FLVCR2: variants seen among roughly 807,000 people sequenced by gnomAD.
FLVCR2 encodes the protein choline/ethanolamine transporter FLVCR2.
A neutral mutation model predicts 48.9 loss-of-function variants in FLVCR2; 38 were observed. The ratio of observed to expected loss-of-function variants is 0.78; its 90% CI spans 0.60 to 1.02. FLVCR2 has a LOEUF of 1.02. Ranked by LOEUF, FLVCR2 falls within the 50% of genes least tolerant of loss-of-function variation. The pLI, the probability that FLVCR2 is intolerant of heterozygous loss-of-function variation, is 0.00. For synonymous variants in FLVCR2, 255 were observed against 257.0 expected, an observed-to-expected ratio of 0.99 and a Z score of 0.07; for missense variants, 664 against 663.3, an observed-to-expected ratio of 1.00 and a Z score of -0.01.
rs1889275067 is a variant in FLVCR2 at position 75,605,719 on chromosome 14, G to A, written c.670-16360G>A. On this transcript the variant is annotated intron_variant, in intron 1 of 9. Transcript: ENST00000238667. ...GGAGTGTTTGCTTTGGCTCCCCTCC[G>A]ATTGCTTCTCCAGAGAGGAGTTGAA... 9.2e-6 allele frequency: 11 copies of A among 1,195,706 alleles called. 1 individual carries two copies. The highest frequency in any genetic ancestry group is 1.3e-5 in the South Asian group (1 of 76,948). 74.1% of individuals were successfully genotyped at this position (1,195,706 alleles called of 1,614,324 possible). A position where few individuals can be genotyped will look rare whatever the true frequency, so the allele number is the denominator to read the frequency against.
chr14:75,580,308 A>G (rs1888563227), intron 1 of FLVCR2, among the ~76,000 whole-genome samples: 1 of 152,294 alleles, frequency 6.6e-6, no homozygotes, highest in Admixed American at 6.5e-5. Context: ...AATTCTTTGC[A>G]TCTCAATGTG....
chr14:75,641,836 A>G lies in FLVCR2; in HGVS notation c.1454-7A>G. 4 of 1,612,854 alleles carry G rather than the reference A, an allele frequency of 2.5e-6. No homozygotes were observed. Among genetic ancestry groups the G allele is most frequent in the South Asian group, 2.2e-5 (2 of 91,048 alleles). ...GTCTCTCTTCCTTCTCAATCTATCA[A>G]CCTTAGCATTCATTAAGGCAGATCT... On this transcript the variant is annotated splice_polypyrimidine_tract_variant and splice_region_variant and intron_variant, in intron 8 of 9. Transcript: ENST00000238667.
At position 75,579,216 on chromosome 14, in the gene FLVCR2, A is replaced by T. The variant is rs771197984; in HGVS notation, c.244A>T (p.Arg82Trp). The T allele has an allele frequency of 3.0e-5, 49 of 1,614,100 alleles. No homozygotes were observed. Among genetic ancestry groups the T allele is most frequent in the Non-Finnish European group, 4.2e-5 (49 of 1,180,052 alleles). Residue 82 changes from arginine to tryptophan, a missense_variant, in exon 1 of 10, where the codon AGG becomes TGG. Arg to Trp is a moderately radical substitution (Grantham distance 101). Transcript: ENST00000238667. ...PEDLSVIKVSRRRWAVVLVFS... is the reference protein window; with the variant it reads ...PEDLSVIKVSWRRWAVVLVFS... ...GGACCTCAGCGTGATCAAGGTGAGCAGGCGCCGTTGGGCCGTGGTCCTGGT... is the reference window on the plus strand; with the variant it reads ...GGACCTCAGCGTGATCAAGGTGAGCTGGCGCCGTTGGGCCGTGGTCCTGGT...
In FLVCR2 at chr14:75,601,806, G is replaced by A. The variant is rs181101003; in HGVS notation, c.670-20273G>A. Among the ~76,000 whole-genome samples, 326 of 152,252 alleles carry A rather than the reference G, an allele frequency of 2.1e-3. 2 individuals carry two copies. Among genetic ancestry groups the A allele is most frequent in the Middle Eastern group, 0.014 (4 of 294 alleles). On this transcript the variant is annotated intron_variant, in intron 1 of 9. Transcript: ENST00000238667. ...GTGCTTCCAGATGAATGAATAAAATGTAGTGTGTGTATGTGTATGTATGTG... is the reference window on the plus strand; with the variant it reads ...GTGCTTCCAGATGAATGAATAAAATATAGTGTGTGTATGTGTATGTATGTG...
At chr14:75,612,517 T>C (rs1388789930) in intron 1 of FLVCR2, among the ~76,000 whole-genome samples, 2 of 152,212 alleles carry the variant, frequency 1.3e-5, no homozygotes, top group African/African-American at 4.8e-5. Context: ...GTTTAGATTG[T>C]CTTTGTCTTT....
intron 1 of FLVCR2, among the ~76,000 whole-genome samples, chr14:75,591,755 C>G (rs554024120): frequency 2.0e-4 from 31 of 151,784 alleles, no homozygotes; most frequent in East Asian, 1.4e-3. Flanking sequence ...GTGGCTCCCC[C>G]ACATGGCAGG....
At chr14:75,644,765 A>G (rs1356717674) in intron 9 of FLVCR2, among the ~76,000 whole-genome samples, 1 of 152,152 alleles carries the variant, frequency 6.6e-6, no homozygotes, top group Non-Finnish European at 1.5e-5. Context: ...ACCTGTGGAC[A>G]AATTCATTGT....
chr14:75,595,116 A>G (rs911242171), intron 1 of FLVCR2, among the ~76,000 whole-genome samples: 1 of 152,230 alleles, frequency 6.6e-6, no homozygotes, highest in Non-Finnish European at 1.5e-5. Context: ...AACTGTAGTT[A>G]TATGTAGGAT....
intron 1 of FLVCR2, chr14:75,605,688 G>T (rs1889274085): frequency 2.1e-6 from 3 of 1,454,488 alleles, no homozygotes; most frequent in Admixed American, 3.9e-5. Flanking sequence ...GGAGCCTTAG[G>T]AGGGAGGAGT....
chr14:75,610,964 T>G (rs767489896), intron 1 of FLVCR2, among the ~76,000 whole-genome samples: 16 of 152,248 alleles, frequency 1.1e-4, no homozygotes, highest in Non-Finnish European at 2.4e-4. Flanking sequence ...TGCACAGTTC[T>G]AAGAGTTATT....
At chr14:75,624,086 G>A (rs1335163684) in intron 2 of FLVCR2, among the ~76,000 whole-genome samples, 1 of 151,796 alleles carries the variant, frequency 6.6e-6, no homozygotes. Flanking sequence ...ATCAGTCCGG[G>A]TGCGGTGGCT....
chr14:75,599,911 T>C (rs948795410), intron 1 of FLVCR2, among the ~76,000 whole-genome samples: 1 of 152,162 alleles, frequency 6.6e-6, no homozygotes, highest in Non-Finnish European at 1.5e-5. Context: ...CCATATGAAA[T>C]TAGACCCTTG....
intron 5 of FLVCR2, among the ~76,000 whole-genome samples, chr14:75,636,099 TG>T (rs959254568): frequency 5.9e-5 from 9 of 152,196 alleles, no homozygotes; most frequent in African/African-American, 2.2e-4. Context: ...CAGTTAGCAC[TG>T]GCTGGCGGGG....
At chr14:75,642,190 A>C (rs1395072975) in intron 9 of FLVCR2, among the ~76,000 whole-genome samples, 1 of 152,186 alleles carries the variant, frequency 6.6e-6, no homozygotes, top group African/African-American at 2.4e-5. Context: ...TCTGCTGAAC[A>C]GCACCCCTGA....
intron 1 of FLVCR2, among the ~76,000 whole-genome samples, chr14:75,584,426 T>G (rs1888689324): frequency 6.6e-6 from 1 of 151,220 alleles, no homozygotes; most frequent in Admixed American, 6.6e-5. Context: ...ATAAGGCGCC[T>G]TCCGGCCCCT....
At chr14:75,597,641 C>A (rs1025485888) in intron 1 of FLVCR2, among the ~76,000 whole-genome samples, 22 of 152,058 alleles carry the variant, frequency 1.4e-4, no homozygotes, top group African/African-American at 4.3e-4. Flanking sequence ...GTGATCTTGG[C>A]TCACTGCAAT....
intron 1 of FLVCR2, among the ~76,000 whole-genome samples, chr14:75,609,821 T>G (rs1482952718): frequency 1.3e-5 from 2 of 151,698 alleles, no homozygotes; most frequent in Non-Finnish European, 2.9e-5. Flanking sequence ...AATGTTGCCT[T>G]GCAGACAAAG....
intron 1 of FLVCR2, chr14:75,595,849 T>TC: frequency 2.1e-6 from 2 of 963,530 alleles, no homozygotes; most frequent in Non-Finnish European, 3.4e-6. Flanking sequence ...GCCTTTGCAG[T>TC]CCCCCTGACT....
chr14:75,616,322 T>C (rs1356403525), intron 1 of FLVCR2, among the ~76,000 whole-genome samples: 3 of 150,706 alleles, frequency 2.0e-5, no homozygotes, highest in African/African-American at 7.3e-5. Context: ...TGAGACTCTG[T>C]CTCAAAAAAA....
Sources: allele counts gnomAD v4.1 joint callset (sites outside exome capture counted in the v4.1 genomes callset), GRCh38; gene constraint gnomAD v4.1.1; transcripts MANE v1.5; gene names NCBI Gene and HGNC (gene_info 2026-07-23, HGNC 2026-07-21).